Variants in NXPE3 observed in about 807,000 individuals in gnomAD.
The protein encoded by NXPE3 is neurexophilin and PC-esterase domain family member 3, also known as NXPE family member 3.
In NXPE3, 26 loss-of-function variants were observed where a neutral mutation model predicts 46.1. That is an observed-to-expected ratio of 0.56 (90% CI 0.41 to 0.78). The LOEUF is 0.78. Among genes scored for constraint, NXPE3 ranks in the 30% least tolerant of loss-of-function variants. The pLI is 0.00. For synonymous variants in NXPE3, 272 were observed against 257.9 expected (o/e 1.05, Z -0.52); for missense variants, 620 against 686.0 (o/e 0.90, Z 1.07).
Position 101,818,715 on chromosome 3 carries a change from TTATATATATATATATA to T in NXPE3, c.1129+1738_1129+1753del, listed in dbSNP as rs61602305. Among the ~76,000 whole-genome samples, 120 of 38,030 alleles carry T rather than the reference TTATATATATATATATA, an allele frequency of 3.2e-3. 1 individual carries two copies. The highest frequency in any genetic ancestry group is 0.012 in the African/African-American group (111 of 9,266). 24.9% of individuals were successfully genotyped at this position (38,030 alleles called of 152,430 possible). A position where few individuals can be genotyped will look rare whatever the true frequency, so the allele number is the denominator to read the frequency against. ...TTAACCCTTAAGAATATATGACAAT[TTATATATATATATATA>T]TATATATATATATATATATATATTT... On this transcript the variant is annotated intron_variant, in intron 7 of 7. Transcript: ENST00000273347.
chr3:101,781,921 A>G (rs1939846333), intron 1 of NXPE3, 189 bp from the exon 2 acceptor site: 1 of 152,224 alleles, frequency 6.6e-6, no homozygotes, highest in African/African-American at 2.4e-5. Context: ...AAGTTCATGT[A>G]TTTAAATAGA....
intron 4 of NXPE3, among the ~76,000 whole-genome samples, chr3:101,795,109 A>G (rs1342752759): frequency 1.3e-5 from 2 of 152,296 alleles, no homozygotes; most frequent in South Asian, 2.1e-4. Flanking sequence ...TGGCTCTGAA[A>G]TTTGTCAGTC....
At chr3:101,801,028 C>T (rs1941110989) in intron 4 of NXPE3, among the ~76,000 whole-genome samples, 1 of 152,094 alleles carries the variant, frequency 6.6e-6, no homozygotes, top group Non-Finnish European at 1.5e-5. Context: ...TTAAGAACAA[C>T]ACAGTGCTCT....
chr3:101,820,019 G>GGCTT (rs60049432), intron 7 of NXPE3, among the ~76,000 whole-genome samples: 46,948 of 151,818 alleles, frequency 0.31, 7,385 homozygotes, highest in Non-Finnish European at 0.34. Flanking sequence ...ATCTGTGTGT[G>GGCTT]GCTTATTTCA....
intron 6 of NXPE3, 101 bp from the exon 7 acceptor site, chr3:101,816,694 A>G (rs1941985526): frequency 5.8e-6 from 5 of 868,242 alleles, no homozygotes; most frequent in Non-Finnish European, 8.9e-6. Context: ...CCCACATGCT[A>G]TCAGGCTAAC....
In NXPE3 at chr3:101,821,741, G is replaced by T. The variant is rs757565230; in HGVS notation, c.1467G>T (p.Leu489=). Reference sequence around the variant, plus strand: ...TCCGGACGGCCAACGCCCAAGAGCTGGGACCTGAGGTGAGCCTTTTCAACA... The same window carrying T: ...TCCGGACGGCCAACGCCCAAGAGCTTGGACCTGAGGTGAGCCTTTTCAACA... ...VVIRTANAQE[L]GPEVSLFNSD... Residue 489 remains leucine (L), a synonymous_variant, in exon 8 of 8, where the codon CTG becomes CTT. Coordinates refer to ENST00000273347, the MANE Select transcript of NXPE3 (RefSeq NM_145037.4). 1.2e-6 allele frequency: 2 copies of T among 1,614,066 alleles called. No homozygotes were observed. Among genetic ancestry groups the T allele is most frequent in the African/African-American group, 2.7e-5 (2 of 74,924 alleles).
At chr3:101,805,966 A>G (rs1188386873) in intron 5 of NXPE3, among the ~76,000 whole-genome samples, 1 of 152,140 alleles carries the variant, frequency 6.6e-6, no homozygotes, top group African/African-American at 2.4e-5. Flanking sequence ...TCATGAAAGT[A>G]GTTTATATGT....
At chr3:101,808,841 A>ATATATATC (rs1361187056) in intron 6 of NXPE3, among the ~76,000 whole-genome samples, 1 of 123,382 alleles carries the variant, frequency 8.1e-6, no homozygotes, top group East Asian at 2.3e-4. Context: ...ATATATATAT[A>ATATATATC]TATATATATA....
At chr3:101,805,068 A>G (rs951041143) in intron 5 of NXPE3, among the ~76,000 whole-genome samples, 5 of 152,088 alleles carry the variant, frequency 3.3e-5, no homozygotes, top group Non-Finnish European at 7.4e-5. Context: ...TTGTGTTTAT[A>G]TGTATCTGTG....
intron 6 of NXPE3, among the ~76,000 whole-genome samples, chr3:101,808,135 A>G (rs1309156746): frequency 2.0e-5 from 3 of 152,218 alleles, no homozygotes; most frequent in Admixed American, 6.5e-5. Flanking sequence ...GGGCTGAGCA[A>G]GAAAGTTTTA....
At chr3:101,793,837 C>A (rs1207908209) in intron 4 of NXPE3, among the ~76,000 whole-genome samples, 1 of 151,924 alleles carries the variant, frequency 6.6e-6, no homozygotes, top group Non-Finnish European at 1.5e-5. Flanking sequence ...GTCTGTAGAT[C>A]TCCTGAGTTA....
At chr3:101,810,108 A>C (rs902198843) in intron 6 of NXPE3, among the ~76,000 whole-genome samples, 2 of 152,246 alleles carry the variant, frequency 1.3e-5, no homozygotes, top group Non-Finnish European at 2.9e-5. Flanking sequence ...AAGCAAGGAA[A>C]AACAGTTTTT....
At chr3:101,807,185 C>T (rs890350225) in intron 6 of NXPE3, 59 bp downstream of exon 6, 10 of 1,306,728 alleles carry the variant, frequency 7.7e-6, no homozygotes, top group Non-Finnish European at 8.8e-6. Flanking sequence ...GGTTGAGGCT[C>T]TGTCGTTTCA....
At chr3:101,805,352 CTT>C (rs1457845843) in intron 5 of NXPE3, among the ~76,000 whole-genome samples, 1 of 151,148 alleles carries the variant, frequency 6.6e-6, no homozygotes, top group Non-Finnish European at 1.5e-5. Context: ...TTGGTTATCT[CTT>C]TAATCCAAAA....
intron 6 of NXPE3, among the ~76,000 whole-genome samples, chr3:101,810,290 A>T (rs1189186294): frequency 6.6e-6 from 1 of 152,194 alleles, no homozygotes; most frequent in Non-Finnish European, 1.5e-5. Flanking sequence ...ACTTGAGGTT[A>T]TATTTTTTGG....
rs975821565 is a variant in NXPE3 at position 101,823,257 on chromosome 3, C to G, written c.*1303C>G. On this transcript the variant is annotated 3_prime_UTR_variant, in exon 8 of 8. Transcript: ENST00000273347. ...AATATATACCCTTAGAAGAATGGGT[C>G]AAATAATTTGGGTTTTTAATTTAAA... 8 of 151,930 alleles carry G rather than the reference C, an allele frequency of 5.3e-5. No individual in the cohort carries two copies. The East Asian group carries it at 7.7e-4, about 15-fold the overall frequency. The allele number at this position is 151,930 out of a possible 1,614,324, so 9.4% of individuals were successfully genotyped here.
intron 4 of NXPE3, among the ~76,000 whole-genome samples, chr3:101,798,725 G>T (rs1940981153): frequency 1.3e-5 from 2 of 151,484 alleles, no homozygotes; most frequent in Non-Finnish European, 2.9e-5. Flanking sequence ...CAATTCTCGT[G>T]CTTCAGCCTC....
chr3:101,818,800 C>G (rs1942115954), intron 7 of NXPE3, among the ~76,000 whole-genome samples: 1 of 101,072 alleles, frequency 9.9e-6, no homozygotes, highest in Non-Finnish European at 1.8e-5. Context: ...GTGTCTCACT[C>G]TGTCACCCAG....
intron 6 of NXPE3, among the ~76,000 whole-genome samples, chr3:101,808,854 T>TATATATATATATACACATATATATATAC (rs770360739): frequency 5.4e-4 from 54 of 100,332 alleles, no homozygotes; most frequent in African/African-American, 6.4e-4. Context: ...TATATATATA[T>TATATATATATATACACATATATATATAC]ATGAGACATT....
Sources: gnomAD v4.1 joint callset for allele counts (sites outside exome capture counted in the v4.1 genomes callset) on GRCh38, gnomAD v4.1.1 for gene constraint, MANE v1.5 for transcripts, NCBI Gene and HGNC (gene_info 2026-07-23, HGNC 2026-07-21) for gene names.